Variants in KCNJ6 observed in about 807,000 individuals in gnomAD.
KCNJ6 encodes potassium inwardly rectifying channel subfamily J member 6.
A neutral mutation model predicts 34.2 loss-of-function variants in KCNJ6; 9 were observed. The ratio of observed to expected loss-of-function variants is 0.26; its 90% CI spans 0.16 to 0.46. The LOEUF is 0.46. Ranked by LOEUF, KCNJ6 falls within the 20% of genes least tolerant of loss-of-function variation. KCNJ6 has a pLI of 1.00. For synonymous variants in KCNJ6, 196 were observed against 207.1 expected (o/e 0.95, Z 0.46); for missense variants, 236 against 531.3 (o/e 0.44, Z 5.46).
At chr21:37,726,506 A>G (rs1008118977) in intron 2 of KCNJ6, among the ~76,000 whole-genome samples, 7 of 152,348 alleles carry the variant, frequency 4.6e-5, no homozygotes, top group Admixed American at 2.6e-4. Context: ...CAAATTGTCC[A>G]TGCCACAGCA....
At chr21:37,792,687 G>A (rs951210530) in intron 2 of KCNJ6, among the ~76,000 whole-genome samples, 1 of 152,172 alleles carries the variant, frequency 6.6e-6, no homozygotes, top group African/African-American at 2.4e-5. Flanking sequence ...CTCAGCCAGG[G>A]TAAGTCACTT....
chr21:37,863,250 T>G (rs548340237), intron 1 of KCNJ6, among the ~76,000 whole-genome samples: 6 of 152,192 alleles, frequency 3.9e-5, no homozygotes, highest in Non-Finnish European at 8.8e-5. Flanking sequence ...AGGTTCTTAG[T>G]TTTTGAAATT....
chr21:37,708,657 T>C (rs986002952), intron 3 of KCNJ6, among the ~76,000 whole-genome samples: 30 of 152,316 alleles, frequency 2.0e-4, no homozygotes, highest in African/African-American at 7.0e-4. Flanking sequence ...CCCAAGTTCT[T>C]AGCATTTCAG....
At chr21:37,851,417 T>C (rs190613189) in intron 1 of KCNJ6, among the ~76,000 whole-genome samples, 1 of 152,350 alleles carries the variant, frequency 6.6e-6, no homozygotes, top group Admixed American at 6.5e-5. Context: ...TTTAAAATGT[T>C]CCTTTGAGAA....
rs1417318761 is a variant in KCNJ6 at position 37,610,937 on chromosome 21, AAAAG to A, written c.*14218_*14221del. ...AGTTTCCATTTTAAAAAAGTAGAAA[AAAAG>A]AGCAAATTAAACCCAAAGTAAGCCA... On this transcript the variant is annotated 3_prime_UTR_variant, in exon 4 of 4. Coordinates refer to ENST00000609713, the MANE Select transcript of KCNJ6 (RefSeq NM_002240.5). The A allele has an allele frequency of 6.6e-6, 1 of 152,176 alleles. No homozygotes were observed. Among genetic ancestry groups the A allele is most frequent in the Admixed American group, 6.5e-5 (1 of 15,290 alleles). 9.4% of individuals were successfully genotyped at this position (152,176 alleles called of 1,614,324 possible). A position where few individuals can be genotyped will look rare whatever the true frequency, so the allele number is the denominator to read the frequency against.
intron 1 of KCNJ6, among the ~76,000 whole-genome samples, chr21:37,881,470 G>GGAGA (rs10550872): frequency 1.8e-3 from 271 of 149,214 alleles, no homozygotes; most frequent in Admixed American, 3.7e-3. Context: ...CTCTCTGCAT[G>GGAGA]GAGAGAGAGA....
intron 3 of KCNJ6, among the ~76,000 whole-genome samples, chr21:37,712,456 C>CCCCTCCTCCTCTCT (rs1218617155): frequency 1.1e-3 from 122 of 112,074 alleles, no homozygotes; most frequent in East Asian, 8.2e-4. Context: ...TCCCCAGCCT[C>CCCCTCCTCCTCTCT]CCCTCCTCCT....
At chr21:37,632,682 A>G (rs148170962) in intron 3 of KCNJ6, among the ~76,000 whole-genome samples, 369 of 149,212 alleles carry the variant, frequency 2.5e-3, no homozygotes, top group African/African-American at 8.0e-3. Context: ...AGGTATACAT[A>G]ACTTTAGAAA....
chr21:37,608,639 G>A lies in KCNJ6; in HGVS notation c.*16520C>T, dbSNP rs974986430. ...TTAGGTATTTCTAAAACTAGACTCA[G>A]TTACTTCACGTGTGAAGTGGGAAGC... On this transcript the variant is annotated 3_prime_UTR_variant, in exon 4 of 4. Transcript: ENST00000609713. The A allele has an allele frequency of 6.6e-6, 1 of 152,236 alleles. No individual in the cohort carries two copies. Among genetic ancestry groups the A allele is most frequent in the Non-Finnish European group, 1.5e-5 (1 of 68,048 alleles). 9.4% of individuals were successfully genotyped at this position (152,236 alleles called of 1,614,324 possible). A position where few individuals can be genotyped will look rare whatever the true frequency, so the allele number is the denominator to read the frequency against.
At chr21:37,697,937 C>T (rs758739229) in intron 3 of KCNJ6, among the ~76,000 whole-genome samples, 3 of 152,098 alleles carry the variant, frequency 2.0e-5, no homozygotes, top group Non-Finnish European at 4.4e-5. Context: ...CGTTCAAATG[C>T]ATTTATGATA....
intron 2 of KCNJ6, among the ~76,000 whole-genome samples, chr21:37,725,675 TTAACA>T (rs2054850772): frequency 6.6e-6 from 1 of 152,210 alleles, no homozygotes; most frequent in South Asian, 2.1e-4. Flanking sequence ...TTCTAAGGAA[TTAACA>T]TAACAAATAT....
intron 3 of KCNJ6, among the ~76,000 whole-genome samples, chr21:37,697,997 C>T (rs1352590972): frequency 6.6e-6 from 1 of 152,106 alleles, no homozygotes; most frequent in African/African-American, 2.4e-5. Flanking sequence ...AGTGGGAGTA[C>T]TTTTCACCCA....
chr21:37,614,066 A>G lies in KCNJ6; in HGVS notation c.*11093T>C, dbSNP rs1388174499. The G allele has an allele frequency of 6.6e-6, 1 of 152,146 alleles. No homozygotes were observed. The highest frequency in any genetic ancestry group is 1.5e-5 in the Non-Finnish European group (1 of 68,032). 9.4% of individuals were successfully genotyped at this position (152,146 alleles called of 1,614,324 possible). A position where few individuals can be genotyped will look rare whatever the true frequency, so the allele number is the denominator to read the frequency against. ...TTTGCTGTGAAGTTAATGCTGCTCT[A>G]AAAAATAAAATTTATCAAGTTTTTA... On this transcript the variant is annotated 3_prime_UTR_variant, in exon 4 of 4. Transcript: ENST00000609713.
intron 2 of KCNJ6, among the ~76,000 whole-genome samples, chr21:37,791,802 T>A (rs1458200391): frequency 6.6e-6 from 1 of 152,220 alleles, no homozygotes; most frequent in Non-Finnish European, 1.5e-5. Context: ...TTTTTATTGA[T>A]GCATAATAGA....
chr21:37,853,165 T>C (rs1376537657), intron 1 of KCNJ6, among the ~76,000 whole-genome samples: 1 of 144,456 alleles, frequency 6.9e-6, no homozygotes, highest in African/African-American at 2.6e-5. Flanking sequence ...AAAAAACAAC[T>C]ACAGATCCAA....
chr21:37,693,065 T>C (rs936620117), intron 3 of KCNJ6, among the ~76,000 whole-genome samples: 1 of 151,944 alleles, frequency 6.6e-6, no homozygotes, highest in Non-Finnish European at 1.5e-5. Flanking sequence ...TTATTAAAAA[T>C]GGTTAATGGG....
intron 3 of KCNJ6, among the ~76,000 whole-genome samples, chr21:37,631,292 GC>G (rs892675757): frequency 6.6e-6 from 1 of 152,182 alleles, no homozygotes; most frequent in African/African-American, 2.4e-5. Context: ...TAAAAAGATT[GC>G]TTGTGAGTCA....
At chr21:37,752,267 G>A (rs1479529168) in intron 2 of KCNJ6, among the ~76,000 whole-genome samples, 1 of 152,140 alleles carries the variant, frequency 6.6e-6, no homozygotes, top group Non-Finnish European at 1.5e-5. Context: ...AGCCCCAGTG[G>A]CCCTGCTACA....
At chr21:37,635,395 T>G (rs1356982476) in intron 3 of KCNJ6, among the ~76,000 whole-genome samples, 1 of 151,968 alleles carries the variant, frequency 6.6e-6, no homozygotes, top group Non-Finnish European at 1.5e-5. Context: ...TTTTTGTATT[T>G]TTAGTAGAGA....
Sources: gnomAD v4.1 joint callset for allele counts (sites outside exome capture counted in the v4.1 genomes callset) on GRCh38, gnomAD v4.1.1 for gene constraint, MANE v1.5 for transcripts, NCBI Gene and HGNC (gene_info 2026-07-23, HGNC 2026-07-21) for gene names.